GINS2: variants seen among roughly 807,000 people sequenced by gnomAD.
GINS2 encodes the protein DNA replication complex GINS protein PSF2.
GINS2 carries 23 observed loss-of-function variants against 21.2 expected under a neutral mutation model. That is an observed-to-expected ratio of 1.08 (90% CI 0.78 to 1.53). The LOEUF is 1.53. Ranked by LOEUF, GINS2 falls within the 40% of genes most tolerant of loss-of-function variation. The probability of loss-of-function intolerance (pLI) is 0.00; values close to 1 mark genes in which losing one functional copy is unlikely to be tolerated. For missense variants in GINS2, 323 were observed against 233.9 expected (o/e 1.38, Z -2.49); for synonymous variants, 118 against 85.6 (o/e 1.38, Z -2.09).
chr16:85,677,423 G>A lies in GINS2; in HGVS notation c.*789C>T, dbSNP rs1396820784. ...TGAAAGTGACTTTTCTTCTAGCATT[G>A]TCACTCATGCTCAATACATTGTCAC... On this transcript the variant is annotated 3_prime_UTR_variant, in exon 5 of 5. Transcript: ENST00000253462. 1 of 148,518 alleles carries A rather than the reference G, an allele frequency of 6.7e-6. No homozygotes were observed. The highest frequency in any genetic ancestry group is 1.5e-5 in the Non-Finnish European group (1 of 67,954). 9.2% of individuals were successfully genotyped at this position (148,518 alleles called of 1,614,324 possible). A position where few individuals can be genotyped will look rare whatever the true frequency, so the allele number is the denominator to read the frequency against.
At chr16:85,682,718 C>A (rs1024808829) in intron 2 of GINS2, among the ~76,000 whole-genome samples, 1 of 152,312 alleles carries the variant, frequency 6.6e-6, no homozygotes, top group African/African-American at 2.4e-5. Context: ...AGCATCAGCA[C>A]TGTTCTCACA....
At chr16:85,688,338 G>C (rs1167294859) in intron 1 of GINS2, among the ~76,000 whole-genome samples, 3 of 152,142 alleles carry the variant, frequency 2.0e-5, no homozygotes, top group African/African-American at 7.2e-5. Flanking sequence ...ATGAGGTCAG[G>C]AGTTCGAGAC....
rs1363142548 is a variant in GINS2, at chr16:85,677,553, TTG to T, written c.*657_*658del. On this transcript the variant is annotated 3_prime_UTR_variant, in exon 5 of 5. Coordinates refer to ENST00000253462, the MANE Select transcript of GINS2 (RefSeq NM_016095.3). ...CCAAGAGAAGGAGACACCCCAGGTG[TTG>T]GTCTGCAGTTTCCACTTAACTGCCG... 6.6e-6 allele frequency: 1 copy of T among 152,258 alleles called. No individual in the cohort carries two copies. 9.4% of individuals were successfully genotyped at this position (152,258 alleles called of 1,614,324 possible). A position where few individuals can be genotyped will look rare whatever the true frequency, so the allele number is the denominator to read the frequency against.
chr16:85,684,549 C>A (rs11864891), intron 2 of GINS2, among the ~76,000 whole-genome samples: 5,926 of 151,864 alleles, frequency 0.039, 326 homozygotes, highest in East Asian at 0.17. Flanking sequence ...AAATATCTAC[C>A]AACAGAAGAA....
At chr16:85,687,040 G>A (rs113835250) in intron 2 of GINS2, among the ~76,000 whole-genome samples, 1 of 152,328 alleles carries the variant, frequency 6.6e-6, no homozygotes, top group Non-Finnish European at 1.5e-5. Context: ...TGGGCAGCAT[G>A]GCAAGACCCC....
At chr16:85,679,325 G>A (rs2053712389) in intron 3 of GINS2, among the ~76,000 whole-genome samples, 1 of 152,224 alleles carries the variant, frequency 6.6e-6, no homozygotes, top group Admixed American at 6.5e-5. Context: ...GCCAGCAAGG[G>A]ATGAAGGAAG....
chr16:85,684,249 G>A (rs1012386631), intron 2 of GINS2, among the ~76,000 whole-genome samples: 7 of 152,092 alleles, frequency 4.6e-5, no homozygotes, highest in African/African-American at 1.7e-4. Context: ...TGGGAGGATC[G>A]CTTGAGCCCA....
chr16:85,677,964 T>C lies in GINS2; in HGVS notation c.*248A>G. On this transcript the variant is annotated 3_prime_UTR_variant, in exon 5 of 5. Coordinates refer to ENST00000253462, the MANE Select transcript of GINS2 (RefSeq NM_016095.3). ...GACTTATTTACCTAAGGCTTTTTTA[T>C]TTCTCAAAAGTGGGGGGAAAAAGGG... 2.3e-6 allele frequency: 1 copy of C among 432,886 alleles called. No homozygotes were observed. The highest frequency in any genetic ancestry group is 4.1e-6 in the Non-Finnish European group (1 of 241,284). 26.8% of individuals were successfully genotyped at this position (432,886 alleles called of 1,614,324 possible). A position where few individuals can be genotyped will look rare whatever the true frequency, so the allele number is the denominator to read the frequency against.
chr16:85,677,982 A>C lies in GINS2; in HGVS notation c.*230T>G, dbSNP rs528038054. 8 of 451,920 alleles carry C rather than the reference A, an allele frequency of 1.8e-5. No individual in the cohort carries two copies. The South Asian group carries it at 1.9e-4, about 11-fold the overall frequency. The allele number at this position is 451,920 out of a possible 1,614,324, so 28.0% of individuals were successfully genotyped here. A position where few individuals can be genotyped will look rare whatever the true frequency, so the allele number is the denominator to read the frequency against. ...TTTTTTATTTCTCAAAAGTGGGGGG[A>C]AAAAGGGCTGGTTTCTAGAAACAGA... On this transcript the variant is annotated 3_prime_UTR_variant, in exon 5 of 5. Transcript: ENST00000253462.
At position 85,677,976 on chromosome 16, in the gene GINS2, G is replaced by C. The variant is rs918424847; in HGVS notation, c.*236C>G. ...TAAGGCTTTTTTATTTCTCAAAAGT[G>C]GGGGGAAAAAGGGCTGGTTTCTAGA... On this transcript the variant is annotated 3_prime_UTR_variant, in exon 5 of 5. Coordinates refer to ENST00000253462, the MANE Select transcript of GINS2 (RefSeq NM_016095.3). 4 of 457,226 alleles carry C rather than the reference G, an allele frequency of 8.7e-6. No individual in the cohort carries two copies. Among genetic ancestry groups the C allele is most frequent in the Admixed American group, 7.7e-5 (2 of 25,878 alleles). The allele number at this position is 457,226 out of a possible 1,614,324, so 28.3% of individuals were successfully genotyped here.
chr16:85,682,973 C>CA (rs2053746718), intron 2 of GINS2, among the ~76,000 whole-genome samples: 1 of 152,096 alleles, frequency 6.6e-6, no homozygotes, highest in South Asian at 2.1e-4. Flanking sequence ...TCTCACCTGA[C>CA]ACCCAGCTGA....
At chr16:85,687,825 G>A (rs1415254092) in intron 1 of GINS2, 4 of 362,160 alleles carry the variant, frequency 1.1e-5, no homozygotes, top group Non-Finnish European at 2.0e-5. Flanking sequence ...GTGGGTGGGG[G>A]GCGCTCCCTC....
chr16:85,680,933 A>C (rs2053727140), intron 3 of GINS2, among the ~76,000 whole-genome samples: 1 of 152,252 alleles, frequency 6.6e-6, no homozygotes, highest in Non-Finnish European at 1.5e-5. Flanking sequence ...ACGAGAGGGA[A>C]GACAGGATTT....
At chr16:85,685,366 G>C (rs185917429) in intron 2 of GINS2, among the ~76,000 whole-genome samples, 2 of 152,148 alleles carry the variant, frequency 1.3e-5, no homozygotes, top group East Asian at 3.9e-4. Context: ...GCCAGGCCTG[G>C]TGAGCCTCTC....
chr16:85,676,886 CAG>C lies in GINS2; in HGVS notation c.*1324_*1325del, dbSNP rs1230994346. The C allele has an allele frequency of 3.3e-5, 5 of 152,316 alleles. No homozygotes were observed. The highest frequency in any genetic ancestry group is 3.9e-4 in the East Asian group (2 of 5,186). The allele number at this position is 152,316 out of a possible 1,614,324, so 9.4% of individuals were successfully genotyped here. ...AAGTTAAAATTTTTTTTGTTTGAGA[CAG>C]AGTCTTGCTCTCGTTGCCCAGGCAG... On this transcript the variant is annotated 3_prime_UTR_variant, in exon 5 of 5. Coordinates refer to ENST00000253462, the MANE Select transcript of GINS2 (RefSeq NM_016095.3).
In GINS2 at chr16:85,678,322, AG is replaced by A. The variant is rs1164697615; in HGVS notation, c.447del (p.Leu150Ter). On this transcript the variant is annotated frameshift_variant, in exon 5 of 5. Transcript: ENST00000253462. LOFTEE classifies it high-confidence loss of function. The stretch of plus-strand genomic sequence containing the variant: ...GTCCCGCTGGTGTTGATCTCCATCA[AG>A]GTCAAGTTATCCAGCTAAAGCAAGA... The part of the protein sequence containing the change: ...QEAHAKLDNL[T>X]LMEINTSGTF... 3 of 1,613,136 alleles carry A rather than the reference AG, an allele frequency of 1.9e-6. No homozygotes were observed.
Position 85,677,520 on chromosome 16 carries a change from A to C in GINS2, c.*692T>G, listed in dbSNP as rs1189645710. ...ATAAGCAACCCATTAAACCTGAGCT[A>C]GAAGTAGCCAAGAGAAGGAGACACC... On this transcript the variant is annotated 3_prime_UTR_variant, in exon 5 of 5. Transcript: ENST00000253462. 1 of 152,214 alleles carries C rather than the reference A, an allele frequency of 6.6e-6. No individual in the cohort carries two copies. Among genetic ancestry groups the C allele is most frequent in the African/African-American group, 2.4e-5 (1 of 41,452 alleles). The allele number at this position is 152,214 out of a possible 1,614,324, so 9.4% of individuals were successfully genotyped here.
chr16:85,681,548 T>G (rs1304252738), intron 3 of GINS2, 34 bp downstream of exon 3: 4 of 1,236,198 alleles, frequency 3.2e-6, no homozygotes, highest in East Asian at 2.3e-5. Flanking sequence ...AGTCCAGTCT[T>G]GGGTGTGGCC....
intron 2 of GINS2, among the ~76,000 whole-genome samples, chr16:85,685,373 T>C (rs1486293838): frequency 6.6e-6 from 1 of 151,884 alleles, no homozygotes; most frequent in Non-Finnish European, 1.5e-5. Flanking sequence ...CTGGTGAGCC[T>C]CTCCTCTACA....
Sources: gnomAD v4.1 joint callset for allele counts (sites outside exome capture counted in the v4.1 genomes callset) on GRCh38, gnomAD v4.1.1 for gene constraint, MANE v1.5 for transcripts, NCBI Gene and HGNC (gene_info 2026-07-23, HGNC 2026-07-21) for gene names.